Variants in TPD52L1 observed in about 807,000 individuals in gnomAD.
The protein encoded by TPD52L1 is TPD52 like 1, also known as tumor protein D53.
In TPD52L1, 18 loss-of-function variants were observed where a neutral mutation model predicts 28.7. The ratio of observed to expected loss-of-function variants is 0.63; its 90% CI spans 0.43 to 0.93. The LOEUF is 0.93. TPD52L1 is among the 40% of genes least tolerant of loss of function. The pLI is 0.00. For synonymous variants in TPD52L1, 75 were observed against 88.8 expected, an observed-to-expected ratio of 0.84 and a Z score of 0.88; for missense variants, 203 against 254.8, an observed-to-expected ratio of 0.80 and a Z score of 1.39.
At chr6:125,244,632 G>A (rs1476358602) in intron 3 of TPD52L1, among the ~76,000 whole-genome samples, 1 of 152,140 alleles carries the variant, frequency 6.6e-6, no homozygotes, top group African/African-American at 2.4e-5. Flanking sequence ...CCTCCTGTGG[G>A]GCTGCACTCA....
At chr6:125,215,707 A>G (rs1794815041) in intron 1 of TPD52L1, among the ~76,000 whole-genome samples, 1 of 152,180 alleles carries the variant, frequency 6.6e-6, no homozygotes, top group Non-Finnish European at 1.5e-5. Flanking sequence ...AGTGGAAGCT[A>G]CCGGCTGGGT....
At chr6:125,156,462 T>TAAAAA (rs1790127922) in intron 1 of TPD52L1, among the ~76,000 whole-genome samples, 2 of 32,494 alleles carry the variant, frequency 6.2e-5, no homozygotes, top group Admixed American at 3.5e-4. Context: ...AGACCTTGTC[T>TAAAAA]CAAAAAAAAA....
intron 2 of TPD52L1, among the ~76,000 whole-genome samples, chr6:125,228,702 TGAGAAGAA>T: frequency 6.6e-6 from 1 of 152,222 alleles, no homozygotes; most frequent in Non-Finnish European, 1.5e-5. Context: ...AAGTGGCACT[TGAGAAGAA>T]GTTATATAAA....
intron 3 of TPD52L1, among the ~76,000 whole-genome samples, chr6:125,239,362 T>C (rs1285728502): frequency 6.6e-6 from 1 of 152,150 alleles, no homozygotes; most frequent in Non-Finnish European, 1.5e-5. Flanking sequence ...AAGAAAAAGG[T>C]TTAATGGATT....
intron 1 of TPD52L1, among the ~76,000 whole-genome samples, chr6:125,172,187 TTC>T (rs1791442304): frequency 7.3e-6 from 1 of 136,916 alleles, no homozygotes; most frequent in South Asian, 2.4e-4. Flanking sequence ...CTTTCTTTCT[TTC>T]TTTCTTTCTT....
At chr6:125,231,650 T>C (rs1795960456) in intron 3 of TPD52L1, among the ~76,000 whole-genome samples, 1 of 152,022 alleles carries the variant, frequency 6.6e-6, no homozygotes, top group Non-Finnish European at 1.5e-5. Flanking sequence ...TGTTTGTTTA[T>C]ACGACAAAAT....
At chr6:125,200,742 C>A (rs898583666) in intron 1 of TPD52L1, among the ~76,000 whole-genome samples, 2 of 152,166 alleles carry the variant, frequency 1.3e-5, no homozygotes, top group African/African-American at 4.8e-5. Flanking sequence ...TTGCATTCAA[C>A]AATATACAAT....
intron 6 of TPD52L1, chr6:125,260,981 GAA>G (rs1199509392): frequency 1.4e-4 from 8 of 55,450 alleles, no homozygotes; most frequent in African/African-American, 6.2e-4. Flanking sequence ...AGAAAGAAAA[GAA>G]AAGAAAGAAA....
intron 2 of TPD52L1, among the ~76,000 whole-genome samples, chr6:125,225,596 T>A (rs913969257): frequency 3.3e-5 from 5 of 152,196 alleles, no homozygotes; most frequent in Non-Finnish European, 5.9e-5. Context: ...TACAAGGAGA[T>A]CTTCTAGGGA....
chr6:125,232,119 G>T (rs1486044916), intron 3 of TPD52L1, among the ~76,000 whole-genome samples: 1 of 152,158 alleles, frequency 6.6e-6, no homozygotes, highest in African/African-American at 2.4e-5. Flanking sequence ...GGACATTTGG[G>T]ATTCAACTGC....
chr6:125,236,289 A>G (rs889567435), intron 3 of TPD52L1, among the ~76,000 whole-genome samples: 1 of 152,188 alleles, frequency 6.6e-6, no homozygotes, highest in East Asian at 1.9e-4. Context: ...ATAGAAATAG[A>G]CTTGCATTTT....
At chr6:125,234,823 T>G (rs889049102) in intron 3 of TPD52L1, among the ~76,000 whole-genome samples, 5 of 152,144 alleles carry the variant, frequency 3.3e-5, no homozygotes, top group African/African-American at 1.2e-4. Flanking sequence ...TTGAGTGCCA[T>G]GGCTCACACC....
At chr6:125,191,059 C>G (rs981517076) in intron 1 of TPD52L1, among the ~76,000 whole-genome samples, 2 of 152,164 alleles carry the variant, frequency 1.3e-5, no homozygotes, top group Admixed American at 6.5e-5. Context: ...ATTTGTATAT[C>G]GTGTAACATT....
Position 125,264,358 on chromosome 6 carries a change from G to GAT in TPD52L1, c.*1403_*1404dup, listed in dbSNP as rs926948340. ...TGTTTTGTGTTTATTAAATAGAAGT[G>GAT]ATATATATGACATTTTGAAGTAAAG... On this transcript the variant is annotated 3_prime_UTR_variant, in exon 7 of 7. Coordinates refer to ENST00000534000, the MANE Select transcript of TPD52L1 (RefSeq NM_003287.4). 1 of 152,140 alleles carries GAT rather than the reference G, an allele frequency of 6.6e-6. No individual in the cohort carries two copies. Among genetic ancestry groups the GAT allele is most frequent in the Non-Finnish European group, 1.5e-5 (1 of 68,022 alleles). The allele number at this position is 152,140 out of a possible 1,614,324, so 9.4% of individuals were successfully genotyped here.
chr6:125,239,958 G>C (rs1796517406), intron 3 of TPD52L1, among the ~76,000 whole-genome samples: 2 of 152,114 alleles, frequency 1.3e-5, no homozygotes, highest in Non-Finnish European at 2.9e-5. Context: ...TATAGTTTCA[G>C]GTCTTAGATT....
chr6:125,240,386 A>G (rs1049298350), intron 3 of TPD52L1, among the ~76,000 whole-genome samples: 1 of 152,090 alleles, frequency 6.6e-6, no homozygotes, highest in African/African-American at 2.4e-5. Flanking sequence ...TTTGATGGGA[A>G]TTGCATTGAA....
chr6:125,171,638 A>T (rs1791304695), intron 1 of TPD52L1, among the ~76,000 whole-genome samples: 1 of 152,120 alleles, frequency 6.6e-6, no homozygotes, highest in Admixed American at 6.5e-5. Flanking sequence ...CTGGTTCTTT[A>T]GTTTTGTGCC....
At position 125,153,852 on chromosome 6, in the gene TPD52L1, G is replaced by A. The variant is rs1789930074; in HGVS notation, c.-100G>A. On this transcript the variant is annotated 5_prime_UTR_variant, in exon 1 of 7. Coordinates refer to ENST00000534000, the MANE Select transcript of TPD52L1 (RefSeq NM_003287.4). ...CGACACGCGTGCCAGGAGTGGGAGC[G>A]AGCGGCGGGGCCAGCTGCGTTCTGA... is the stretch of plus-strand genomic sequence containing the variant. 7.2e-6 allele frequency: 10 copies of A among 1,386,770 alleles called. No individual in the cohort carries two copies. Among genetic ancestry groups the A allele is most frequent in the Non-Finnish European group, 9.6e-6 (10 of 1,036,590 alleles). 85.9% of individuals were successfully genotyped at this position (1,386,770 alleles called of 1,614,324 possible).
chr6:125,154,255 T>C, intron 1 of TPD52L1: 2 of 1,233,252 alleles, frequency 1.6e-6, no homozygotes, highest in Non-Finnish European at 2.0e-6. Flanking sequence ...CAGTCGCCCC[T>C]GGCCTTCCCA....
Sources: gnomAD v4.1 joint callset for allele counts (sites outside exome capture counted in the v4.1 genomes callset) on GRCh38, gnomAD v4.1.1 for gene constraint, MANE v1.5 for transcripts, NCBI Gene and HGNC (gene_info 2026-07-23, HGNC 2026-07-21) for gene names.